CDC20B: variants seen among roughly 807,000 people sequenced by gnomAD.
The protein encoded by CDC20B is cell division cycle 20B.
CDC20B carries 58 observed loss-of-function variants against 64.1 expected under a neutral mutation model. That is an observed-to-expected ratio of 0.90 (90% CI 0.73 to 1.13). The LOEUF (loss-of-function observed/expected upper bound fraction) is 1.13. Ranked by LOEUF, CDC20B falls within the 50% of genes most tolerant of loss-of-function variation. The pLI, the probability that CDC20B is intolerant of heterozygous loss-of-function variation, is 0.00. For synonymous variants in CDC20B, 243 were observed against 230.6 expected (o/e 1.05, Z -0.49); for missense variants, 597 against 633.0 (o/e 0.94, Z 0.61).
intron 1 of CDC20B, 104 bp downstream of exon 1, chr5:55,172,834 C>T: frequency 8.7e-7 from 1 of 1,149,568 alleles, no homozygotes; most frequent in Non-Finnish European, 1.2e-6. Flanking sequence ...ACGACCAGGG[C>T]TTAGAGTTTC....
intron 2 of CDC20B, among the ~76,000 whole-genome samples, chr5:55,169,435 C>T (rs1744517266): frequency 6.6e-6 from 1 of 152,200 alleles, no homozygotes; most frequent in African/African-American, 2.4e-5. Context: ...TGCAAATGTC[C>T]GCACAAGAAT....
intron 9 of CDC20B, among the ~76,000 whole-genome samples, chr5:55,122,216 G>C (rs1742773815): frequency 6.6e-6 from 1 of 151,454 alleles, no homozygotes; most frequent in African/African-American, 2.4e-5. Context: ...ACTTTATTTG[G>C]ACTAAAGATG....
intron 5 of CDC20B, chr5:55,137,655 C>T: frequency 2.2e-6 from 1 of 456,718 alleles, no homozygotes; most frequent in Non-Finnish European, 4.4e-6. Flanking sequence ...AGGGGAGAGA[C>T]ATAGGTAAGT....
chr5:55,127,719 T>C (rs1464674080), intron 7 of CDC20B, among the ~76,000 whole-genome samples: 1 of 152,216 alleles, frequency 6.6e-6, no homozygotes, highest in Non-Finnish European at 1.5e-5. Flanking sequence ...AATGTATTAA[T>C]AAGATGTGGG....
At chr5:55,154,573 G>A (rs1161397168) in intron 2 of CDC20B, among the ~76,000 whole-genome samples, 3 of 152,112 alleles carry the variant, frequency 2.0e-5, no homozygotes, top group Admixed American at 6.5e-5. Flanking sequence ...AATATTTAAA[G>A]GGATGCAATT....
At chr5:55,168,922 C>T (rs954441070) in intron 2 of CDC20B, among the ~76,000 whole-genome samples, 1 of 152,100 alleles carries the variant, frequency 6.6e-6, no homozygotes. Context: ...ACCCCAGCAT[C>T]GCCTATTATA....
intron 7 of CDC20B, 25 bp downstream of exon 7, chr5:55,128,396 G>A (rs761613699): frequency 5.2e-6 from 8 of 1,539,382 alleles, no homozygotes; most frequent in African/African-American, 4.4e-5. Flanking sequence ...AGAACATGAT[G>A]AGAAAAAAAA....
chr5:55,120,015 A>C lies in CDC20B; in HGVS notation c.1342-97T>G, dbSNP rs1052023972. On this transcript the variant is annotated intron_variant, in intron 10 of 11. Coordinates refer to ENST00000381375, the MANE Select transcript of CDC20B (RefSeq NM_001170402.1). Reference sequence around the variant, plus strand: ...AGGCAGTATGCACTGTCCATGACCCAACCTCCAGTACAGCTGGGGTAGGAT... The same window carrying C: ...AGGCAGTATGCACTGTCCATGACCCCACCTCCAGTACAGCTGGGGTAGGAT... The C allele has an allele frequency of 7.7e-5, 66 of 854,722 alleles. No individual in the cohort carries two copies. The Admixed American group carries it at 9.2e-4, about 12-fold the overall frequency. 52.9% of individuals were successfully genotyped at this position (854,722 alleles called of 1,614,324 possible).
chr5:55,143,494 T>G lies in CDC20B; in HGVS notation c.486+19A>C. 2 of 1,570,160 alleles carry G rather than the reference T, an allele frequency of 1.3e-6. No homozygotes were observed. The highest frequency in any genetic ancestry group is 1.4e-5 in the African/African-American group (1 of 72,814). On this transcript the variant is annotated intron_variant, in intron 4 of 11. Transcript: ENST00000381375. ...GCTTCTCTAGATGTGGGATCTTCAG[T>G]TTTTTTCTCTTTACCTACCTGCCCT...
At chr5:55,125,781 T>C (rs920177677) in intron 8 of CDC20B, among the ~76,000 whole-genome samples, 2 of 152,254 alleles carry the variant, frequency 1.3e-5, no homozygotes, top group East Asian at 3.8e-4. Context: ...TTTAAAACTA[T>C]GCAATGCTGA....
chr5:55,160,040 T>A (rs1418312933), intron 2 of CDC20B: 1 of 604,698 alleles, frequency 1.7e-6, no homozygotes, highest in Non-Finnish European at 3.0e-6. Context: ...GGAGTTTCGC[T>A]TCATTTCCCC....
intron 2 of CDC20B, chr5:55,160,246 A>T (rs1561302118): frequency 6.2e-7 from 1 of 1,614,038 alleles, no homozygotes; most frequent in Non-Finnish European, 8.5e-7. Flanking sequence ...GAGCAAAGGT[A>T]TTTGCAGTTT....
intron 2 of CDC20B, among the ~76,000 whole-genome samples, chr5:55,167,938 G>A (rs1309161393): frequency 6.6e-6 from 1 of 152,106 alleles, no homozygotes; most frequent in Non-Finnish European, 1.5e-5. Context: ...AGGCTGAGGT[G>A]AGAGGATTGC....
intron 9 of CDC20B, among the ~76,000 whole-genome samples, chr5:55,124,143 C>G (rs1742819886): frequency 1.3e-5 from 2 of 152,134 alleles, no homozygotes; most frequent in Admixed American, 1.3e-4. Flanking sequence ...TTATGCAGAA[C>G]ATGGTGGAGC....
At chr5:55,124,748 G>T in intron 9 of CDC20B, 55 bp downstream of exon 9, 1 of 1,392,148 alleles carries the variant, frequency 7.2e-7, no homozygotes, top group South Asian at 1.2e-5. Flanking sequence ...ATATGTGAAG[G>T]ATACCCAGTG....
intron 5 of CDC20B, among the ~76,000 whole-genome samples, chr5:55,134,772 A>G (rs1428830348): frequency 6.6e-6 from 1 of 152,152 alleles, no homozygotes; most frequent in Non-Finnish European, 1.5e-5. Flanking sequence ...GAAACCTTAA[A>G]TGCATATTAC....
chr5:55,143,538 T>C lies in CDC20B; in HGVS notation c.461A>G (p.Lys154Arg). Residue 154 changes from lysine to arginine, a missense_variant, in exon 4 of 12, where the codon AAA (lysine) becomes AGA (arginine). Lys to Arg is a conservative substitution (Grantham distance 26). Coordinates refer to ENST00000381375, the MANE Select transcript of CDC20B (RefSeq NM_001170402.1). ...KAPHAMDRDW[K>R]ESVASKGQKC... ...CTGCCCTTTTGAGGCAACACTTTCTTTCCAGTCTCTGTCCATTGCATGAGG... is the reference window on the plus strand; with the variant it reads ...CTGCCCTTTTGAGGCAACACTTTCTCTCCAGTCTCTGTCCATTGCATGAGG... 1 of 1,605,388 alleles carries C rather than the reference T, an allele frequency of 6.2e-7. No homozygotes were observed. Among genetic ancestry groups the C allele is most frequent in the Non-Finnish European group, 8.5e-7 (1 of 1,175,832 alleles).
chr5:55,151,373 G>A (rs1743663732), intron 2 of CDC20B, among the ~76,000 whole-genome samples: 1 of 152,164 alleles, frequency 6.6e-6, no homozygotes, highest in African/African-American at 2.4e-5. Flanking sequence ...ACTATGTCCA[G>A]GTAGCCCTTA....
chr5:55,156,740 G>A (rs1743819630), intron 2 of CDC20B, among the ~76,000 whole-genome samples: 1 of 152,126 alleles, frequency 6.6e-6, no homozygotes. Flanking sequence ...CGGGCATTTT[G>A]GCGCGTGCCT....
Sources: allele counts gnomAD v4.1 joint callset (sites outside exome capture counted in the v4.1 genomes callset), GRCh38; gene constraint gnomAD v4.1.1; transcripts MANE v1.5; gene names NCBI Gene and HGNC (gene_info 2026-07-23, HGNC 2026-07-21).